Variants in LRTM3 observed in about 807,000 individuals in gnomAD.
The protein encoded by LRTM3 is leucine rich repeat transmembrane protein 3.
chr13:102,744,702 GA>G, the LRTM3 span: 4 of 1,550,662 alleles, frequency 2.6e-6, no homozygotes, highest in Non-Finnish European at 3.5e-6. Context: ...CTATAGCATG[GA>G]ACTGATTCTG....
chr13:102,731,387 C>T, the LRTM3 span: 1 of 1,551,366 alleles, frequency 6.4e-7, no homozygotes, highest in South Asian at 1.2e-5. Context: ...TAAAGATTTC[C>T]TTGCCATCTC....
chr13:102,747,538 A>G, the LRTM3 span: 1 of 1,550,988 alleles, frequency 6.4e-7, no homozygotes, highest in Non-Finnish European at 8.7e-7. Context: ...ACCCCAGGGC[A>G]ACTGCAGGTA....
chr13:102,734,940 C>T, the LRTM3 span: 9 of 1,551,152 alleles, frequency 5.8e-6, no homozygotes, highest in South Asian at 1.1e-4. Flanking sequence ...ATATCACCAG[C>T]AATTGGCCTT....
the LRTM3 span, chr13:102,734,700 T>G: frequency 4.5e-6 from 7 of 1,551,108 alleles, no homozygotes; most frequent in Admixed American, 1.2e-4. Context: ...CTCCGCAAAA[T>G]AGGTCTTTTA....
chr13:102,743,765 T>A, the LRTM3 span: 1 of 1,550,468 alleles, frequency 6.4e-7, no homozygotes, highest in Non-Finnish European at 8.7e-7. Flanking sequence ...TCTATTGATT[T>A]TATGTATCTG....
chr13:102,738,277 A>G, the LRTM3 span: 2 of 1,550,780 alleles, frequency 1.3e-6, no homozygotes, highest in Non-Finnish European at 1.7e-6. Flanking sequence ...TGATTGTGAT[A>G]TCACCCTTAC....
chr13:102,747,766 C>T, the LRTM3 span: 32 of 1,551,210 alleles, frequency 2.1e-5, no homozygotes, highest in Middle Eastern at 1.8e-3. Flanking sequence ...GAAATGGATC[C>T]ATCATGGGGC....
chr13:102,732,357 G>A, the LRTM3 span: 42 of 1,551,066 alleles, frequency 2.7e-5, no homozygotes, highest in Middle Eastern at 1.7e-4. Flanking sequence ...GGTGTACCAC[G>A]CCCCGTGATA....
the LRTM3 span, chr13:102,739,490 G>T: frequency 1.3e-6 from 2 of 1,550,364 alleles, no homozygotes; most frequent in Non-Finnish European, 1.7e-6. Flanking sequence ...TCTTGAATTT[G>T]AATTACTATG....
the LRTM3 span, chr13:102,736,188 G>C: frequency 6.5e-7 from 1 of 1,547,932 alleles, no homozygotes; most frequent in Non-Finnish European, 8.7e-7. Flanking sequence ...GAGAATCTAT[G>C]GTGAGAGAGA....
At chr13:102,737,921 T>C in the LRTM3 span, 2 of 1,550,944 alleles carry the variant, frequency 1.3e-6, no homozygotes, top group Non-Finnish European at 1.7e-6. Flanking sequence ...TTCATTCTTG[T>C]CTCCATCCAT....
chr13:102,754,217 A>C, the LRTM3 span, among the ~76,000 whole-genome samples: 1 of 151,842 alleles, frequency 6.6e-6, no homozygotes, highest in Non-Finnish European at 1.5e-5. Flanking sequence ...AAAAAAAAAA[A>C]AAAAAAAAAA....
At chr13:102,743,785 C>T in the LRTM3 span, 22,880 of 1,549,126 alleles carry the variant, frequency 0.015, 176 homozygotes, top group Non-Finnish European at 0.018. Flanking sequence ...GTGAAATTGA[C>T]GACTTCTTTT....
At chr13:102,733,898 T>C in the LRTM3 span, 1 of 1,551,174 alleles carries the variant, frequency 6.4e-7, no homozygotes, top group African/African-American at 1.4e-5. Flanking sequence ...TTCAACTGAG[T>C]CTCTATTTGT....
the LRTM3 span, chr13:102,748,067 G>A: frequency 2.6e-6 from 4 of 1,551,034 alleles, no homozygotes; most frequent in Non-Finnish European, 3.5e-6. Flanking sequence ...TTGCTTTGAT[G>A]CTGAATGACT....
the LRTM3 span, among the ~76,000 whole-genome samples, chr13:102,756,673 T>TAAAAAAAAAAAAA: frequency 3.0e-5 from 2 of 67,022 alleles, no homozygotes; most frequent in African/African-American, 1.1e-4. Context: ...AAACTCTGTC[T>TAAAAAAAAAAAAA]AAAAAAAAAA....
the LRTM3 span, chr13:102,750,143 C>G: frequency 1.3e-6 from 2 of 1,551,090 alleles, no homozygotes; most frequent in Non-Finnish European, 1.7e-6. Context: ...TTCATATTCT[C>G]TGTCTGGATG....
chr13:102,733,271 G>A, the LRTM3 span: 1 of 1,551,302 alleles, frequency 6.4e-7, no homozygotes, highest in Non-Finnish European at 8.7e-7. Context: ...TTTTTTGAGT[G>A]ATCCCTTTGT....
the LRTM3 span, chr13:102,744,071 G>C: frequency 1.3e-6 from 2 of 1,550,392 alleles, no homozygotes; most frequent in Admixed American, 2.0e-5. Flanking sequence ...AGCATATTCA[G>C]TGGCACTGAG....
Sources: gnomAD v4.1 joint callset for allele counts (sites outside exome capture counted in the v4.1 genomes callset) on GRCh38, gnomAD v4.1.1 for gene constraint, MANE v1.5 for transcripts, NCBI Gene and HGNC (gene_info 2026-07-23, HGNC 2026-07-21) for gene names.